Variants in SEMA3D observed in about 807,000 individuals in gnomAD.
The protein encoded by SEMA3D is semaphorin-3D.
Under a neutral mutation model 100.1 loss-of-function variants are expected in SEMA3D, and 84 were observed. That is an observed-to-expected ratio of 0.84 (90% CI 0.70 to 1.01). SEMA3D has a LOEUF of 1.01. Ranked by LOEUF, SEMA3D falls within the 50% of genes least tolerant of loss-of-function variation. SEMA3D has a pLI of 0.00. For missense variants in SEMA3D, 875 were observed against 934.1 expected (o/e 0.94, Z 0.82); for synonymous variants, 312 against 320.7 (o/e 0.97, Z 0.29).
intron 9 of SEMA3D, among the ~76,000 whole-genome samples, chr7:85,050,084 C>CACAT (rs1414889613): frequency 7.0e-6 from 1 of 142,690 alleles, no homozygotes; most frequent in African/African-American, 2.9e-5. Context: ...CACACACACA[C>CACAT]ACACACACAC....
chr7:85,029,122 G>T, intron 12 of SEMA3D: 1 of 609,070 alleles, frequency 1.6e-6, no homozygotes, highest in South Asian at 1.7e-5. Flanking sequence ...TACCTACTCT[G>T]ACAAGCCTAG....
intron 1 of SEMA3D, 110 bp from the exon 2 acceptor site, chr7:85,153,849 C>G (rs1322983096): frequency 6.6e-6 from 1 of 152,200 alleles, no homozygotes; most frequent in Non-Finnish European, 1.5e-5. Flanking sequence ...AAATAAATAT[C>G]CCAGCTCAAG....
intron 1 of SEMA3D, among the ~76,000 whole-genome samples, chr7:85,169,258 G>C (rs1421722714): frequency 6.6e-6 from 1 of 151,686 alleles, no homozygotes; most frequent in Non-Finnish European, 1.5e-5. Flanking sequence ...CACTAGTTCT[G>C]TTAAACAAGT....
At chr7:85,059,066 C>A (rs1233186915) in intron 8 of SEMA3D, among the ~76,000 whole-genome samples, 2 of 151,988 alleles carry the variant, frequency 1.3e-5, no homozygotes, top group Admixed American at 1.3e-4. Context: ...GAAAAACAAC[C>A]AACAGTGGGC....
At chr7:85,011,566 G>A (rs986613474) in intron 17 of SEMA3D, among the ~76,000 whole-genome samples, 8 of 151,694 alleles carry the variant, frequency 5.3e-5, no homozygotes, top group African/African-American at 1.2e-4. Flanking sequence ...TATAAATATC[G>A]TGAATGCACA....
At chr7:85,123,554 TAAGTC>T (rs1265418917) in intron 2 of SEMA3D, among the ~76,000 whole-genome samples, 2 of 152,108 alleles carry the variant, frequency 1.3e-5, no homozygotes, top group African/African-American at 4.8e-5. Flanking sequence ...TCTCAGTAGT[TAAGTC>T]AAGTCTTGGG....
intron 2 of SEMA3D, among the ~76,000 whole-genome samples, chr7:85,122,496 A>G (rs1247371568): frequency 6.6e-6 from 1 of 152,100 alleles, no homozygotes; most frequent in African/African-American, 2.4e-5. Context: ...GTTTAAGCAA[A>G]TATCTGAAGA....
At chr7:85,077,917 A>G (rs973453199) in intron 5 of SEMA3D, among the ~76,000 whole-genome samples, 3 of 152,206 alleles carry the variant, frequency 2.0e-5, no homozygotes, top group Non-Finnish European at 4.4e-5. Flanking sequence ...TTTCAATAGT[A>G]AAACTGGATA....
intron 15 of SEMA3D, 21 bp from the exon 16 acceptor site, chr7:85,015,237 A>C (rs761458027): frequency 1.3e-6 from 2 of 1,599,282 alleles, no homozygotes; most frequent in Admixed American, 3.4e-5. Flanking sequence ...GGCAAAACAA[A>C]TGAATTAGAA....
the SEMA3D span, among the ~76,000 whole-genome samples, chr7:85,196,381 T>C: frequency 6.6e-6 from 1 of 151,980 alleles, no homozygotes; most frequent in Non-Finnish European, 1.5e-5. Context: ...TGGAAGAATA[T>C]CTTCATGAGC....
intron 7 of SEMA3D, among the ~76,000 whole-genome samples, chr7:85,067,614 A>T (rs1012166033): frequency 3.5e-4 from 54 of 152,190 alleles, no homozygotes; most frequent in African/African-American, 1.3e-3. Flanking sequence ...CTTGGAACAG[A>T]CTTCAGACCA....
At chr7:85,209,275 CGT>C in the SEMA3D span, among the ~76,000 whole-genome samples, 2 of 151,522 alleles carry the variant, frequency 1.3e-5, no homozygotes, top group African/African-American at 4.8e-5. Flanking sequence ...TATATATATA[CGT>C]GTGTGTATAT....
the SEMA3D span, among the ~76,000 whole-genome samples, chr7:85,212,660 A>T: frequency 2.0e-5 from 3 of 152,038 alleles, no homozygotes; most frequent in Admixed American, 6.6e-5. Context: ...GCTGAAATAA[A>T]TTAAGCTTTG....
At chr7:85,179,896 C>T (rs942729927) in intron 1 of SEMA3D, among the ~76,000 whole-genome samples, 29 of 152,096 alleles carry the variant, frequency 1.9e-4, no homozygotes, top group African/African-American at 6.0e-4. Flanking sequence ...CTCCTGACCT[C>T]GTGATCCACC....
chr7:85,030,378 A>T (rs1790513700), intron 12 of SEMA3D, among the ~76,000 whole-genome samples: 1 of 152,036 alleles, frequency 6.6e-6, no homozygotes, highest in African/African-American at 2.4e-5. Context: ...CCACCAAAAA[A>T]TGGAGACTTA....
chr7:85,216,702 C>T, the SEMA3D span, among the ~76,000 whole-genome samples: 1 of 150,854 alleles, frequency 6.6e-6, no homozygotes. Flanking sequence ...GATAAAAATG[C>T]AAGAAAAAAA....
At chr7:85,010,487 T>C (rs1165513416) in intron 17 of SEMA3D, among the ~76,000 whole-genome samples, 1 of 151,712 alleles carries the variant, frequency 6.6e-6, no homozygotes, top group Non-Finnish European at 1.5e-5. Context: ...AGAGCTACTG[T>C]GGCCTCAGTT....
intron 9 of SEMA3D, among the ~76,000 whole-genome samples, chr7:85,052,839 T>TAA (rs1350101713): frequency 1.3e-5 from 2 of 151,698 alleles, no homozygotes; most frequent in Non-Finnish European, 2.9e-5. Flanking sequence ...AATAAAATAA[T>TAA]AAACAAAAGA....
intron 9 of SEMA3D, among the ~76,000 whole-genome samples, chr7:85,046,714 T>C (rs1176507787): frequency 6.6e-6 from 1 of 151,964 alleles, no homozygotes; most frequent in East Asian, 1.9e-4. Context: ...GGGCTGACTT[T>C]GTTGACCAGT....
Sources: gnomAD v4.1 joint callset for allele counts (sites outside exome capture counted in the v4.1 genomes callset) on GRCh38, gnomAD v4.1.1 for gene constraint, MANE v1.5 for transcripts, NCBI Gene and HGNC (gene_info 2026-07-23, HGNC 2026-07-21) for gene names.